FHIT: variants seen among roughly 807,000 people sequenced by gnomAD.
FHIT encodes bis(5'-adenosyl)-triphosphatase.
Under a neutral mutation model 17.9 loss-of-function variants are expected in FHIT, and 19 were observed. That is an observed-to-expected ratio of 1.06 (90% CI 0.74 to 1.56). The LOEUF is 1.56. FHIT is among the 40% of genes most tolerant of loss of function. FHIT has a pLI of 0.00. For missense variants in FHIT, 248 were observed against 189.2 expected, an observed-to-expected ratio of 1.31 and a Z score of -1.82; for synonymous variants, 81 against 69.7, an observed-to-expected ratio of 1.16 and a Z score of -0.81.
At chr3:60,237,219 C>T (rs139035894) in intron 5 of FHIT, among the ~76,000 whole-genome samples, 13 of 151,538 alleles carry the variant, frequency 8.6e-5, no homozygotes, top group Middle Eastern at 3.5e-3. Context: ...TTTATTTCTC[C>T]ATATCCTTAA....
At chr3:60,465,745 C>T (rs1034253396) in intron 5 of FHIT, among the ~76,000 whole-genome samples, 1 of 151,986 alleles carries the variant, frequency 6.6e-6, no homozygotes, top group Non-Finnish European at 1.5e-5. Flanking sequence ...TTCCATTGGT[C>T]TATGTGTCTG....
At chr3:59,999,328 C>G (rs953140220) in intron 7 of FHIT, among the ~76,000 whole-genome samples, 5 of 152,192 alleles carry the variant, frequency 3.3e-5, no homozygotes, top group Admixed American at 3.3e-4. Context: ...TGTGCAGCAC[C>G]ACCATCGTTA....
At chr3:60,271,108 T>G (rs921892198) in intron 5 of FHIT, among the ~76,000 whole-genome samples, 1 of 152,114 alleles carries the variant, frequency 6.6e-6, no homozygotes, top group Non-Finnish European at 1.5e-5. Flanking sequence ...TAATAGCTTG[T>G]TAGCACAGAA....
chr3:60,664,248 T>G (rs1331275413), intron 4 of FHIT, among the ~76,000 whole-genome samples: 1 of 152,188 alleles, frequency 6.6e-6, no homozygotes, highest in African/African-American at 2.4e-5. Flanking sequence ...AATTTTCTTC[T>G]GTAGCTTATT....
intron 4 of FHIT, among the ~76,000 whole-genome samples, chr3:60,623,891 T>C (rs1322367934): frequency 1.3e-5 from 2 of 152,312 alleles, no homozygotes; most frequent in East Asian, 3.9e-4. Flanking sequence ...TCTCCCTCCA[T>C]ACCCCCCACT....
intron 4 of FHIT, among the ~76,000 whole-genome samples, chr3:60,655,173 T>C (rs9311770): frequency 0.27 from 40,948 of 152,042 alleles, 6,530 homozygotes; most frequent in East Asian, 0.75. Context: ...ACTAGCAATA[T>C]GGAAGTAAGA....
At chr3:60,905,576 A>C (rs1425806155) in intron 3 of FHIT, among the ~76,000 whole-genome samples, 1 of 152,194 alleles carries the variant, frequency 6.6e-6, no homozygotes, top group East Asian at 1.9e-4. Context: ...GAAAGAATCT[A>C]AATGCCATCC....
At chr3:60,137,259 A>C (rs886574904) in intron 5 of FHIT, among the ~76,000 whole-genome samples, 1 of 152,190 alleles carries the variant, frequency 6.6e-6, no homozygotes, top group Non-Finnish European at 1.5e-5. Context: ...AGAATAATTA[A>C]TGACATTTTG....
At chr3:61,224,862 A>T (rs562539976) in intron 1 of FHIT, among the ~76,000 whole-genome samples, 1 of 152,364 alleles carries the variant, frequency 6.6e-6, no homozygotes, top group South Asian at 2.1e-4. Flanking sequence ...GGACACACAC[A>T]CACACATATA....
At chr3:59,756,255 T>A (rs1007793161) in intron 8 of FHIT, among the ~76,000 whole-genome samples, 4 of 152,156 alleles carry the variant, frequency 2.6e-5, no homozygotes, top group Non-Finnish European at 5.9e-5. Context: ...TGATCAGAAT[T>A]CAGATCCAAA....
chr3:60,000,179 C>T (rs565580002), intron 7 of FHIT, among the ~76,000 whole-genome samples: 1 of 152,134 alleles, frequency 6.6e-6, no homozygotes, highest in Non-Finnish European at 1.5e-5. Flanking sequence ...GACTCCGATC[C>T]TTTAGAGTGT....
chr3:60,038,264 TCTTA>T (rs1701303177), intron 5 of FHIT, among the ~76,000 whole-genome samples: 1 of 152,334 alleles, frequency 6.6e-6, no homozygotes, highest in Non-Finnish European at 1.5e-5. Flanking sequence ...ATCAAATCTT[TCTTA>T]CTTGATTCAA....
chr3:59,886,596 G>T (rs1453168694), intron 8 of FHIT, among the ~76,000 whole-genome samples: 3 of 152,268 alleles, frequency 2.0e-5, no homozygotes, highest in African/African-American at 7.2e-5. Flanking sequence ...GAGAAGGGAA[G>T]AGGCACCACA....
chr3:59,817,146 T>A (rs1700628204), intron 8 of FHIT, among the ~76,000 whole-genome samples: 1 of 152,216 alleles, frequency 6.6e-6, no homozygotes, highest in Non-Finnish European at 1.5e-5. Context: ...TAAATTACCA[T>A]CTATAAGATC....
chr3:60,996,287 G>C (rs1000093150), intron 3 of FHIT, among the ~76,000 whole-genome samples: 2 of 152,166 alleles, frequency 1.3e-5, no homozygotes, highest in Non-Finnish European at 2.9e-5. Flanking sequence ...GATGCAAAAT[G>C]CGGTGCAAGA....
chr3:60,433,712 T>A (rs2029944297), intron 5 of FHIT, among the ~76,000 whole-genome samples: 1 of 152,128 alleles, frequency 6.6e-6, no homozygotes, highest in African/African-American at 2.4e-5. Context: ...GCTATTAGCA[T>A]GTTTCTTTGG....
At chr3:60,611,738 A>G (rs2038791968) in intron 4 of FHIT, among the ~76,000 whole-genome samples, 1 of 152,174 alleles carries the variant, frequency 6.6e-6, no homozygotes, top group African/African-American at 2.4e-5. Context: ...GTAACCCAAT[A>G]ACAGGATAAG....
intron 5 of FHIT, among the ~76,000 whole-genome samples, chr3:60,419,969 C>A (rs983208920): frequency 6.6e-6 from 1 of 152,136 alleles, no homozygotes; most frequent in Non-Finnish European, 1.5e-5. Context: ...AATCCCACTA[C>A]AGATGTCAAA....
At chr3:61,182,837 C>T (rs901852445) in intron 2 of FHIT, among the ~76,000 whole-genome samples, 7 of 152,168 alleles carry the variant, frequency 4.6e-5, no homozygotes, top group Non-Finnish European at 7.3e-5. Context: ...TTATTTATAT[C>T]TGGGGCTGTC....
Sources: allele counts gnomAD v4.1 joint callset (sites outside exome capture counted in the v4.1 genomes callset), GRCh38; gene constraint gnomAD v4.1.1; transcripts MANE v1.5; gene names NCBI Gene and HGNC (gene_info 2026-07-23, HGNC 2026-07-21).